Variants in ELMO1 observed in about 807,000 individuals in gnomAD.
ELMO1 encodes the protein engulfment and cell motility protein 1.
In ELMO1, 26 loss-of-function variants were observed where a neutral mutation model predicts 98.9. The observed-to-expected ratio is 0.26, with a 90% confidence interval of 0.19 to 0.36. The LOEUF (loss-of-function observed/expected upper bound fraction) is 0.36. Ranked by LOEUF, ELMO1 falls within the 10% of genes least tolerant of loss-of-function variation. ELMO1 has a pLI of 1.00. For synonymous variants in ELMO1, 346 were observed against 346.0 expected (o/e 1.00, Z 0.00); for missense variants, 627 against 935.2 (o/e 0.67, Z 4.30).
At chr7:37,217,562 G>C in intron 10 of ELMO1, 1 of 384,776 alleles carries the variant, frequency 2.6e-6, no homozygotes, top group Non-Finnish European at 5.2e-6. Context: ...TTTCTACTAA[G>C]GTTAAAACAA....
At chr7:37,244,511 T>A in intron 6 of ELMO1, 120 bp from the exon 7 acceptor site, 1 of 962,086 alleles carries the variant, frequency 1.0e-6, no homozygotes, top group Non-Finnish European at 1.6e-6. Context: ...TGCCATGAAG[T>A]AAAAGAATTT....
rs141786777 is a variant in ELMO1 at position 37,221,346 on chromosome 7, A to G, written c.780+1269T>C. Among the ~76,000 whole-genome samples, 379 of 152,340 alleles carry G rather than the reference A, an allele frequency of 2.5e-3. 1 individual carries two copies. The highest frequency in any genetic ancestry group is 8.4e-3 in the African/African-American group (348 of 41,578). On this transcript the variant is annotated intron_variant, in intron 10 of 21. Coordinates refer to ENST00000310758, the MANE Select transcript of ELMO1 (RefSeq NM_014800.11). ...AAAATAAAATCCAAAAATTCTTGTC[A>G]TAGCATTCAGTAGCAGGTTCGCTTT...
chr7:37,099,936 C>G (rs73335542), intron 14 of ELMO1, among the ~76,000 whole-genome samples: 1 of 151,700 alleles, frequency 6.6e-6, no homozygotes. Context: ...CAAGCTCAAG[C>G]GATTCTCCTG....
intron 4 of ELMO1, among the ~76,000 whole-genome samples, chr7:37,306,135 G>A (rs543705553): frequency 6.6e-6 from 1 of 152,184 alleles, no homozygotes; most frequent in Admixed American, 6.5e-5. Flanking sequence ...GCTCCTAGGT[G>A]TGTGTTTGTT....
At chr7:36,958,537 T>C (rs1458192537) in intron 16 of ELMO1, among the ~76,000 whole-genome samples, 1 of 152,172 alleles carries the variant, frequency 6.6e-6, no homozygotes, top group African/African-American at 2.4e-5. Flanking sequence ...ATAAGATAAC[T>C]TCTGTAATCA....
chr7:37,265,405 CAGAA>C, intron 5 of ELMO1, among the ~76,000 whole-genome samples: 1 of 152,208 alleles, frequency 6.6e-6, no homozygotes, highest in Non-Finnish European at 1.5e-5. Flanking sequence ...AAAAAATAAA[CAGAA>C]AGGTAAAAAC....
chr7:37,208,410 G>A (rs957760805), intron 13 of ELMO1, among the ~76,000 whole-genome samples: 1 of 152,200 alleles, frequency 6.6e-6, no homozygotes, highest in African/African-American at 2.4e-5. Flanking sequence ...TTGCCTACTT[G>A]GGAGCAGAAA....
At chr7:37,288,385 C>G (rs986539002) in intron 4 of ELMO1, among the ~76,000 whole-genome samples, 1 of 152,156 alleles carries the variant, frequency 6.6e-6, no homozygotes, top group African/African-American at 2.4e-5. Flanking sequence ...CCACCATGCC[C>G]GGCTCATTTT....
chr7:37,064,072 A>G (rs989693534), intron 15 of ELMO1, among the ~76,000 whole-genome samples: 1 of 152,140 alleles, frequency 6.6e-6, no homozygotes, highest in Non-Finnish European at 1.5e-5. Context: ...CTGGGCCTAC[A>G]TGGAGCAGCT....
chr7:36,996,197 C>A (rs113367710), intron 16 of ELMO1, among the ~76,000 whole-genome samples: 2 of 152,234 alleles, frequency 1.3e-5, no homozygotes, highest in East Asian at 3.9e-4. Context: ...TAAAAGAAAT[C>A]GCCACTAGAA....
chr7:37,144,795 C>A (rs58324369), intron 13 of ELMO1, among the ~76,000 whole-genome samples: 4,305 of 152,202 alleles, frequency 0.028, 67 homozygotes, highest in Middle Eastern at 0.065. Flanking sequence ...GCACCCAAGG[C>A]GCTGTTTGGG....
intron 15 of ELMO1, among the ~76,000 whole-genome samples, chr7:37,060,653 A>G (rs1292030263): frequency 7.3e-6 from 1 of 136,368 alleles, no homozygotes; most frequent in Non-Finnish European, 1.5e-5. Context: ...AAGTCCAAAA[A>G]TAAATAAATA....
chr7:36,867,657 T>C (rs1803140558), intron 20 of ELMO1, among the ~76,000 whole-genome samples: 1 of 152,190 alleles, frequency 6.6e-6, no homozygotes, highest in African/African-American at 2.4e-5. Flanking sequence ...TAAATTTCCC[T>C]CTAAGCACTG....
intron 1 of ELMO1, among the ~76,000 whole-genome samples, chr7:37,348,812 A>C (rs555619258): frequency 2.4e-4 from 36 of 152,236 alleles, no homozygotes; most frequent in African/African-American, 7.9e-4. Flanking sequence ...TTTTCCATAC[A>C]GCTTAATTAA....
At chr7:37,357,683 C>T (rs1159896036) in intron 1 of ELMO1, among the ~76,000 whole-genome samples, 1 of 152,236 alleles carries the variant, frequency 6.6e-6, no homozygotes, top group Non-Finnish European at 1.5e-5. Context: ...TTAGGAGGCT[C>T]TGCCAAAACT....
At chr7:37,136,322 C>A (rs1013102675) in intron 13 of ELMO1, among the ~76,000 whole-genome samples, 4 of 152,034 alleles carry the variant, frequency 2.6e-5, no homozygotes, top group Admixed American at 2.6e-4. Context: ...GAGGAAAACT[C>A]CCTCAATTAC....
chr7:36,865,530 T>C (rs1802973733), intron 20 of ELMO1, among the ~76,000 whole-genome samples: 1 of 152,206 alleles, frequency 6.6e-6, no homozygotes. Context: ...CCATCCATCC[T>C]ATACTCTGAA....
At chr7:37,080,869 G>A (rs1797834006) in intron 15 of ELMO1, among the ~76,000 whole-genome samples, 1 of 151,976 alleles carries the variant, frequency 6.6e-6, no homozygotes, top group Admixed American at 6.6e-5. Context: ...CACATTGGCT[G>A]TTCCCTCTTT....
chr7:37,413,293 C>A (rs1804071179), intron 1 of ELMO1, among the ~76,000 whole-genome samples: 1 of 152,094 alleles, frequency 6.6e-6, no homozygotes, highest in South Asian at 2.1e-4. Flanking sequence ...CCCAACAGCC[C>A]TTTTTCCAAG....
Sources: gnomAD v4.1 joint callset for allele counts (sites outside exome capture counted in the v4.1 genomes callset) on GRCh38, gnomAD v4.1.1 for gene constraint, MANE v1.5 for transcripts, NCBI Gene and HGNC (gene_info 2026-07-23, HGNC 2026-07-21) for gene names.